USP30: variants seen among roughly 807,000 people sequenced by gnomAD.
USP30 encodes the protein ubiquitin carboxyl-terminal hydrolase 30.
In USP30, 41 loss-of-function variants were observed where a neutral mutation model predicts 68.2. That is an observed-to-expected ratio of 0.60 (90% CI 0.47 to 0.78). The LOEUF (loss-of-function observed/expected upper bound fraction) is 0.78. Among genes scored for constraint, USP30 ranks in the 30% least tolerant of loss-of-function variants. The pLI, the probability that USP30 is intolerant of heterozygous loss-of-function variation, is 0.00. For synonymous variants in USP30, 229 were observed against 253.7 expected (o/e 0.90, Z 0.93); for missense variants, 522 against 649.4 (o/e 0.80, Z 2.13).
At position 109,058,012 on chromosome 12, in the gene USP30, A is replaced by G; in HGVS notation, c.280A>G (p.Arg94Gly). Residue 94 changes from arginine (R) to glycine (G), a missense_variant, in exon 3 of 13, where the codon AGG (arginine) becomes GGG (glycine). Coordinates refer to ENST00000257548, the MANE Select transcript of USP30 (RefSeq NM_032663.5). ...QGLSACPAFI[R>G]WLEEFTSQYS... is the part of the protein sequence containing the mutation. Reference sequence around the variant, plus strand: ...CCTGTCTGCCTGTCCTGCTTTCATCAGGTGGCTGGAAGAGTTCACCTCCCA... The same window carrying G: ...CCTGTCTGCCTGTCCTGCTTTCATCGGGTGGCTGGAAGAGTTCACCTCCCA... 2 of 1,614,088 alleles carry G rather than the reference A, an allele frequency of 1.2e-6. No individual in the cohort carries two copies. The highest frequency in any genetic ancestry group is 1.3e-5 in the African/African-American group (1 of 74,992).
In USP30 at chr12:109,087,988, T is replaced by C. The variant is rs745771980; in HGVS notation, c.*2057T>C. The C allele has an allele frequency of 4.4e-6, 2 of 450,608 alleles. No homozygotes were observed. The highest frequency in any genetic ancestry group is 3.9e-6 in the Non-Finnish European group (1 of 254,314). 27.9% of individuals were successfully genotyped at this position (450,608 alleles called of 1,614,324 possible). Reference sequence around the variant, plus strand: ...AAGGTACTTTTGTATCTGCTGTGTATTATAGCAATAAAATAATCATTTTGT... The same window carrying C: ...AAGGTACTTTTGTATCTGCTGTGTACTATAGCAATAAAATAATCATTTTGT... On this transcript the variant is annotated 3_prime_UTR_variant, in exon 13 of 13. Transcript: ENST00000257548.
At chr12:109,051,349 C>A (rs2040669524), upstream of USP30, among the ~76,000 whole-genome samples, 2 of 148,028 alleles carry the variant, frequency 1.4e-5, no homozygotes, top group East Asian at 4.0e-4. Flanking sequence ...CTCCGCCTCC[C>A]AGGTTCTAGC....
chr12:109,074,812 G>C (rs1157765985), intron 7 of USP30, among the ~76,000 whole-genome samples: 3 of 152,160 alleles, frequency 2.0e-5, no homozygotes, highest in African/African-American at 7.2e-5. Flanking sequence ...TCACCATGCT[G>C]TACGTTAACT....
At position 109,082,910 on chromosome 12, in the gene USP30, G is replaced by C; in HGVS notation, c.1016G>C (p.Arg339Pro). 6.2e-7 allele frequency: 1 copy of C among 1,614,196 alleles called. No individual in the cohort carries two copies. Among genetic ancestry groups the C allele is most frequent in the African/African-American group, 1.3e-5 (1 of 75,044 alleles). ...SWSSHGTPLK[R>P]HEHVQFNEFL... ...TCCAGCCACGGCACGCCTCTGAAGC[G>C]GCATGAGCACGTGCAGTTCAATGAG... The change falls in exon 11 of 13, where the codon CGG becomes CCG. Residue 339 changes from arginine (R) to proline (P), a missense_variant. Arg to Pro is a moderately radical substitution (Grantham distance 103). Coordinates refer to ENST00000257548, the MANE Select transcript of USP30 (RefSeq NM_032663.5).
upstream of USP30, among the ~76,000 whole-genome samples, chr12:109,052,010 CG>C (rs1475456461): frequency 1.3e-5 from 2 of 152,154 alleles, no homozygotes; most frequent in Admixed American, 6.6e-5. Context: ...TTACAAGCTG[CG>C]TCAAAAAACT....
At chr12:109,075,543 G>A in intron 7 of USP30, among the ~76,000 whole-genome samples, 1 of 152,102 alleles carries the variant, frequency 6.6e-6, no homozygotes, top group Admixed American at 6.5e-5. Context: ...GTAGAGATCG[G>A]GTTTCACCAT....
rs188750076 is a variant in USP30, at chr12:109,035,565, T to C, written c.-136+8009T>C. On this transcript the variant is annotated intron_variant, in intron 3 of 15. Transcript: ENST00000392784. ...TTTTAGTAGAGATGAGGTTTCACCA[T>C]GTTGGCCAGGATGGTCTTGATCTCT... Among the ~76,000 whole-genome samples, 42 of 152,268 alleles carry C rather than the reference T, an allele frequency of 2.8e-4. 1 individual carries two copies. The highest frequency in any genetic ancestry group is 2.5e-3 in the Admixed American group (38 of 15,298).
At chr12:109,059,290 G>T (rs1330736416) in intron 3 of USP30, among the ~76,000 whole-genome samples, 1 of 152,068 alleles carries the variant, frequency 6.6e-6, no homozygotes, top group Non-Finnish European at 1.5e-5. Flanking sequence ...CACCTCTCAG[G>T]TTCAAGTGAT....
chr12:109,063,835 G>A (rs984124081), intron 3 of USP30, among the ~76,000 whole-genome samples: 4 of 150,476 alleles, frequency 2.7e-5, no homozygotes, highest in Non-Finnish European at 5.9e-5. Flanking sequence ...CTTTTTGGGA[G>A]AAATGTCTGT....
At chr12:109,083,130 A>C in intron 11 of USP30, 68 bp downstream of exon 11, 1 of 1,464,104 alleles carries the variant, frequency 6.8e-7, no homozygotes, top group Non-Finnish European at 9.2e-7. Context: ...TGGCATCACC[A>C]CCTTCTGGGT....
At chr12:109,067,675 A>T in intron 4 of USP30, 48 bp downstream of exon 4, 1 of 1,557,068 alleles carries the variant, frequency 6.4e-7, no homozygotes, top group Non-Finnish European at 8.8e-7. Flanking sequence ...CCTTTCCCCT[A>T]GTGACTTGGG....
chr12:109,058,738 A>G (rs2040960918), intron 3 of USP30, among the ~76,000 whole-genome samples: 1 of 152,246 alleles, frequency 6.6e-6, no homozygotes, highest in South Asian at 2.1e-4. Context: ...CCGTTAGCCT[A>G]GAAAATAAGG....
chr12:109,026,396 T>C (rs564254749), intron 2 of USP30, among the ~76,000 whole-genome samples: 1 of 152,080 alleles, frequency 6.6e-6, no homozygotes, highest in African/African-American at 2.4e-5. Context: ...TTTATTGTGG[T>C]AAATACATAT....
intron 3 of USP30, among the ~76,000 whole-genome samples, chr12:109,038,581 A>G (rs2040539267): frequency 6.6e-6 from 1 of 152,162 alleles, no homozygotes; most frequent in South Asian, 2.1e-4. Flanking sequence ...CAATGTTTCA[A>G]CAAACAGTCT....
At chr12:109,055,796 G>A (rs1311792053) in intron 1 of USP30, among the ~76,000 whole-genome samples, 10 of 136,550 alleles carry the variant, frequency 7.3e-5, no homozygotes, top group African/African-American at 2.5e-4. Context: ...GAGGGAGACA[G>A]ACAACAAACC....
At chr12:109,057,072 C>T (rs755034884) in intron 2 of USP30, among the ~76,000 whole-genome samples, 9 of 152,150 alleles carry the variant, frequency 5.9e-5, no homozygotes, top group African/African-American at 1.4e-4. Context: ...CTCATTAGTA[C>T]GGCAATTGTA....
intron 7 of USP30, among the ~76,000 whole-genome samples, chr12:109,075,977 G>C (rs995646877): frequency 6.7e-6 from 1 of 150,112 alleles, no homozygotes; most frequent in Non-Finnish European, 1.5e-5. Context: ...CATTCCATAT[G>C]TTGCCTTTTC....
At chr12:109,062,871 C>T (rs1242755283) in intron 3 of USP30, among the ~76,000 whole-genome samples, 1 of 152,128 alleles carries the variant, frequency 6.6e-6, no homozygotes, top group Non-Finnish European at 1.5e-5. Flanking sequence ...CTCCCACTCT[C>T]CCCTCCCCCT....
In USP30 at chr12:109,067,604, C is replaced by A; in HGVS notation, c.457C>A (p.Gln153Lys). The change falls in exon 4 of 13, where the codon CAG becomes AAG. Residue 153 changes from glutamine to lysine, a missense_variant. Gln to Lys is a moderately conservative substitution (Grantham distance 53, BLOSUM62 1). Coordinates refer to ENST00000257548, the MANE Select transcript of USP30 (RefSeq NM_032663.5). ...LLDVLRMYRW[Q>K]ISSFEEQDAH... Reference sequence around the variant, plus strand: ...GGATGTCTTAAGAATGTACAGATGGCAGATCTCATCATTTGAAGAACAGGT... The same window carrying A: ...GGATGTCTTAAGAATGTACAGATGGAAGATCTCATCATTTGAAGAACAGGT... 1 of 1,613,962 alleles carries A rather than the reference C, an allele frequency of 6.2e-7. No homozygotes were observed.
Sources: allele counts gnomAD v4.1 joint callset (sites outside exome capture counted in the v4.1 genomes callset), GRCh38; gene constraint gnomAD v4.1.1; transcripts MANE v1.5; gene names NCBI Gene and HGNC (gene_info 2026-07-23, HGNC 2026-07-21).